IFNA16: variants seen among roughly 807,000 people sequenced by gnomAD.
IFNA16 encodes the protein interferon alpha-16.
For missense variants in IFNA16, 332 were observed against 213.5 expected, an observed-to-expected ratio of 1.55 and a Z score of -3.46; for synonymous variants, 122 against 83.3, an observed-to-expected ratio of 1.46 and a Z score of -2.53.
rs140868601 is a variant in IFNA16, at chr9:21,216,908, G to A, written c.398C>T (p.Ala133Val). 4 of 1,613,920 alleles carry A rather than the reference G, an allele frequency of 2.5e-6. No homozygotes were observed. The highest frequency in any genetic ancestry group is 3.4e-6 in the Non-Finnish European group (4 of 1,179,910). Reference protein sequence around the residue: ...VTQEVGVEEIALMNEDSILAV... With the variant: ...VTQEVGVEEIVLMNEDSILAV... ...CAGGATGGAGTCCTCATTCATCAGG[G>A]CAATCTCTTCCACCCCAACCTCCTG... The change falls in exon 1 of 1, where the codon GCC becomes GTC. Residue 133 changes from alanine (A) to valine (V), a missense_variant. Transcript: ENST00000380216.
rs1313691322 is a variant in IFNA16, at chr9:21,216,444, A to T, written c.*292T>A. 5.7e-6 allele frequency: 1 copy of T among 175,216 alleles called. No homozygotes were observed. The highest frequency in any genetic ancestry group is 1.5e-4 in the East Asian group (1 of 6,884). The allele number at this position is 175,216 out of a possible 1,614,324, so 10.9% of individuals were successfully genotyped here. The stretch of plus-strand genomic sequence containing the variant: ...ATGAAGAACATATATTGTTACATTA[A>T]GCAAAATGTAAAGGTACACATGATA... On this transcript the variant is annotated 3_prime_UTR_variant, in exon 1 of 1. Coordinates refer to ENST00000380216, the MANE Select transcript of IFNA16 (RefSeq NM_002173.3).
In IFNA16 at chr9:21,216,697, T is replaced by C. The variant is rs375231852; in HGVS notation, c.*39A>G. ...GAACTCATGAAAGTGTGAGATGATG[T>C]ATTAATCAATGAGGATCATTTCCAT... On this transcript the variant is annotated 3_prime_UTR_variant, in exon 1 of 1. Coordinates refer to ENST00000380216, the MANE Select transcript of IFNA16 (RefSeq NM_002173.3). The C allele has an allele frequency of 1.4e-4, 224 of 1,601,508 alleles. No individual in the cohort carries two copies. Among genetic ancestry groups the C allele is most frequent in the Middle Eastern group, 3.3e-4 (2 of 5,998 alleles).
chr9:21,216,960 G>T lies in IFNA16; in HGVS notation c.346C>A (p.Leu116Met), dbSNP rs41313956. 1.9e-3 allele frequency: 3,039 copies of T among 1,613,874 alleles called. 16 individuals carry two copies. Among genetic ancestry groups the T allele is most frequent in the South Asian group, 7.7e-3 (697 of 91,062 alleles). Residue 116 changes from leucine to methionine, a missense_variant, in exon 1 of 1, where the codon CTG becomes ATG. Coordinates refer to ENST00000380216, the MANE Select transcript of IFNA16 (RefSeq NM_002173.3). The stretch of plus-strand genomic sequence containing the variant: ...GTCACACAGGCTTCTAGGTCATTCA[G>T]TTGCTGGAAAAGTTCAATGTAGAAT... ...DKFYIELFQQ[L>M]NDLEACVTQE...
At position 21,217,112 on chromosome 9, in the gene IFNA16, A is replaced by T. The variant is rs28368159; in HGVS notation, c.194T>A (p.Val65Glu). The T allele has an allele frequency of 0.042, 67,586 of 1,613,714 alleles. 1,656 individuals are homozygous for T. Among genetic ancestry groups the T allele is most frequent in the Middle Eastern group, 0.069 (421 of 6,058 alleles). The part of the protein sequence containing the change: ...DRYDFGFPQE[V>E]FDGNQFQKAQ... ...CTTCTGGAACTGGTTGCCATCAAAC[A>T]CCTCCTGGGGGAATCCGAAATCATA... is the stretch of plus-strand genomic sequence containing the variant. Residue 65 changes from valine (V) to glutamate (E), a missense_variant, in exon 1 of 1, where the codon GTG becomes GAG. Coordinates refer to ENST00000380216, the MANE Select transcript of IFNA16 (RefSeq NM_002173.3).
In IFNA16 at chr9:21,217,186, G is replaced by T; in HGVS notation, c.120C>A (p.Leu40=). Residue 40 remains leucine (L), a synonymous_variant, in exon 1 of 1, where the codon CTC becomes CTA. Coordinates refer to ENST00000380216, the MANE Select transcript of IFNA16 (RefSeq NM_002173.3). The stretch of plus-strand genomic sequence containing the variant: ...GAGAGATTCTTCCCATTTGTGCCAG[G>T]AGTATCAAGGCCCTCCTATTACCCA... ...HSLGNRRALI[L]LAQMGRISHF... 6.2e-7 allele frequency: 1 copy of T among 1,614,024 alleles called. No individual in the cohort carries two copies. The highest frequency in any genetic ancestry group is 8.5e-7 in the Non-Finnish European group (1 of 1,179,958).
At position 21,217,010 on chromosome 9, in the gene IFNA16, G is replaced by A. The variant is rs753355253; in HGVS notation, c.296C>T (p.Ala99Val). Reference sequence around the variant, plus strand: ...TTTGTCTAGGAGGGTCTCATCCCAAGCAGCAGATGAATCCTTTGTGCTGAA... The same window carrying A: ...TTTGTCTAGGAGGGTCTCATCCCAAACAGCAGATGAATCCTTTGTGCTGAA... The part of the protein sequence containing the change: ...NLFSTKDSSA[A>V]WDETLLDKFY... The change falls in exon 1 of 1, where the codon GCT (alanine) becomes GTT (valine). Residue 99 changes from alanine (A) to valine (V), a missense_variant. Physicochemically the swap from Ala to Val is moderately conservative, Grantham distance 64. Coordinates refer to ENST00000380216, the MANE Select transcript of IFNA16 (RefSeq NM_002173.3). The A allele has an allele frequency of 1.2e-6, 2 of 1,613,846 alleles. No individual in the cohort carries two copies. Among genetic ancestry groups the A allele is most frequent in the Non-Finnish European group, 1.7e-6 (2 of 1,179,888 alleles).
rs1428064694 is a variant in IFNA16, at chr9:21,216,757, T to C, written c.549A>G (p.Lys183=). Reference sequence around the variant, plus strand: ...GTTTTCAATCCTTCCTTCTTAATCCTTTTTGCAAGTTTGTTGAAAAAGAGA... The same window carrying C: ...GTTTTCAATCCTTCCTTCTTAATCCCTTTTGCAAGTTTGTTGAAAAAGAGA... ...RSFSFSTNLQ[K]GLRRKD The change falls in exon 1 of 1, where the codon AAA becomes AAG. Residue 183 remains lysine, a synonymous_variant. Transcript: ENST00000380216. 3 of 1,613,744 alleles carry C rather than the reference T, an allele frequency of 1.9e-6. No individual in the cohort carries two copies. Among genetic ancestry groups the C allele is most frequent in the Non-Finnish European group, 1.7e-6 (2 of 1,179,818 alleles).
At position 21,216,929 on chromosome 9, in the gene IFNA16, T is replaced by G. The variant is rs1330489810; in HGVS notation, c.377A>C (p.Glu126Ala). Residue 126 changes from glutamate (E) to alanine (A), a missense_variant, in exon 1 of 1, where the codon GAG becomes GCG. Transcript: ENST00000380216. ...CAGGGCAATCTCTTCCACCCCAACC[T>G]CCTGTGTCACACAGGCTTCTAGGTC... The part of the protein sequence containing the change: ...LNDLEACVTQ[E>A]VGVEEIALMN... 1 of 1,613,938 alleles carries G rather than the reference T, an allele frequency of 6.2e-7. No individual in the cohort carries two copies. The highest frequency in any genetic ancestry group is 1.3e-5 in the African/African-American group (1 of 74,972).
rs566241690 is a variant in IFNA16, at chr9:21,216,684, G to C, written c.*52C>G. The C allele has an allele frequency of 1.3e-6, 2 of 1,585,028 alleles. No homozygotes were observed. Among genetic ancestry groups the C allele is most frequent in the Non-Finnish European group, 1.7e-6 (2 of 1,168,070 alleles). On this transcript the variant is annotated 3_prime_UTR_variant, in exon 1 of 1. Transcript: ENST00000380216. The stretch of plus-strand genomic sequence containing the variant: ...CTTTGAAATGGAAGAACTCATGAAA[G>C]TGTGAGATGATGTATTAATCAATGA...
Position 21,217,308 on chromosome 9 carries a change from G to A in IFNA16, c.-3C>T, listed in dbSNP as rs1818477323. The A allele has an allele frequency of 1.9e-6, 3 of 1,602,562 alleles. No homozygotes were observed. The highest frequency in any genetic ancestry group is 2.6e-6 in the Non-Finnish European group (3 of 1,174,744). On this transcript the variant is annotated 5_prime_UTR_variant, in exon 1 of 1. Transcript: ENST00000380216. The stretch of plus-strand genomic sequence containing the variant: ...AGTAAAGAAAAGGACAGGGCCATTG[G>A]GATGTTGCAAATATTGCTAGGCTAC...
chr9:21,216,536 T>A lies in IFNA16; in HGVS notation c.*200A>T, dbSNP rs757627422. 4 of 450,872 alleles carry A rather than the reference T, an allele frequency of 8.9e-6. No homozygotes were observed. Among genetic ancestry groups the A allele is most frequent in the South Asian group, 8.4e-5 (1 of 11,876 alleles). The allele number at this position is 450,872 out of a possible 1,614,324, so 27.9% of individuals were successfully genotyped here. A position where few individuals can be genotyped will look rare whatever the true frequency, so the allele number is the denominator to read the frequency against. On this transcript the variant is annotated 3_prime_UTR_variant, in exon 1 of 1. Coordinates refer to ENST00000380216, the MANE Select transcript of IFNA16 (RefSeq NM_002173.3). ...ATAAATATTTAAATAAATAGATGAA[T>A]AGAGACATCAGCATGGTCATCTGTA...
At position 21,216,655 on chromosome 9, in the gene IFNA16, G is replaced by C; in HGVS notation, c.*81C>G. On this transcript the variant is annotated 3_prime_UTR_variant, in exon 1 of 1. Coordinates refer to ENST00000380216, the MANE Select transcript of IFNA16 (RefSeq NM_002173.3). ...TTCAACTTGTGGTGGTTATAGAAGT[G>C]AGTCTTTGAAATGGAAGAACTCATG... 2 of 1,547,804 alleles carry C rather than the reference G, an allele frequency of 1.3e-6. No individual in the cohort carries two copies. The highest frequency in any genetic ancestry group is 1.7e-6 in the Non-Finnish European group (2 of 1,146,876).
Position 21,217,302 on chromosome 9 carries a change from C to G in IFNA16, c.4G>C (p.Ala2Pro). The G allele has an allele frequency of 2.5e-6, 4 of 1,604,542 alleles. No individual in the cohort carries two copies. The highest frequency in any genetic ancestry group is 3.4e-6 in the Non-Finnish European group (4 of 1,175,586). The change falls in exon 1 of 1, where the codon GCC (alanine) becomes CCC (proline). Residue 2 changes from alanine (A) to proline (P), a missense_variant. Transcript: ENST00000380216. ...GCCATCAGTAAAGAAAAGGACAGGG[C>G]CATTGGGATGTTGCAAATATTGCTA... is the stretch of plus-strand genomic sequence containing the variant. M[A>P]LSFSLLMAVL...
rs370783541 is a variant in IFNA16, at chr9:21,217,032, T to A, written c.274A>T (p.Ser92Cys). ...CAAGCAGCAGATGAATCCTTTGTGC[T>A]GAAGAGATTGAAGGTCTGCTGGATC... Reference protein sequence around the residue: ...EMIQQTFNLFSTKDSSAAWDE... With the variant: ...EMIQQTFNLFCTKDSSAAWDE... Residue 92 changes from serine (S) to cysteine (C), a missense_variant, in exon 1 of 1, where the codon AGC (serine) becomes TGC (cysteine). Coordinates refer to ENST00000380216, the MANE Select transcript of IFNA16 (RefSeq NM_002173.3). 25 of 1,613,842 alleles carry A rather than the reference T, an allele frequency of 1.5e-5. No homozygotes were observed. Among genetic ancestry groups the A allele is most frequent in the Non-Finnish European group, 2.0e-5 (24 of 1,179,856 alleles).
At position 21,217,030 on chromosome 9, in the gene IFNA16, G is replaced by A; in HGVS notation, c.276C>T (p.Ser92=). 1 of 1,613,856 alleles carries A rather than the reference G, an allele frequency of 6.2e-7. No individual in the cohort carries two copies. The change falls in exon 1 of 1, where the codon AGC becomes AGT. Residue 92 remains serine, a synonymous_variant. Transcript: ENST00000380216. The part of the protein sequence containing the change: ...EMIQQTFNLF[S]TKDSSAAWDE... ...CCCAAGCAGCAGATGAATCCTTTGTGCTGAAGAGATTGAAGGTCTGCTGGA... is the reference window on the plus strand; with the variant it reads ...CCCAAGCAGCAGATGAATCCTTTGTACTGAAGAGATTGAAGGTCTGCTGGA...
At chr9:21,217,135 A>C in the IFNA16 span, 1 of 1,614,042 alleles carries the variant, frequency 6.2e-7, no homozygotes, top group Non-Finnish European at 8.5e-7. Context: ...ATCCGAAATC[A>C]TATCTGTCCT....
At position 21,216,909 on chromosome 9, in the gene IFNA16, C is replaced by G. The variant is rs28368163; in HGVS notation, c.397G>C (p.Ala133Pro). The change falls in exon 1 of 1, where the codon GCC (alanine) becomes CCC (proline). Residue 133 changes from alanine (A) to proline (P), a missense_variant. Physicochemically the swap from Ala to Pro is conservative, Grantham distance 27. Coordinates refer to ENST00000380216, the MANE Select transcript of IFNA16 (RefSeq NM_002173.3). Reference protein sequence around the residue: ...VTQEVGVEEIALMNEDSILAV... With the variant: ...VTQEVGVEEIPLMNEDSILAV... The stretch of plus-strand genomic sequence containing the variant: ...AGGATGGAGTCCTCATTCATCAGGG[C>G]AATCTCTTCCACCCCAACCTCCTGT... 0.037 allele frequency: 58,261 copies of G among 1,595,716 alleles called. 1,626 individuals carry two copies. The highest frequency in any genetic ancestry group is 0.066 in the Middle Eastern group (396 of 6,014).
chr9:21,216,838 C>A lies in IFNA16; in HGVS notation c.468G>T (p.Gly156=). ...CCCAGGCACAAGGGCTGTATTTCTT[C>A]CCCATCAGATAAAGAGTGATTCTTT... The part of the protein sequence containing the change: ...YFQRITLYLM[G]KKYSPCAWEV... Residue 156 remains glycine, a synonymous_variant, in exon 1 of 1, where the codon GGG becomes GGT. Transcript: ENST00000380216. 2 of 1,613,966 alleles carry A rather than the reference C, an allele frequency of 1.2e-6. No homozygotes were observed. Among genetic ancestry groups the A allele is most frequent in the Non-Finnish European group, 1.7e-6 (2 of 1,179,918 alleles).
rs2132939088 is a variant in IFNA16 at position 21,216,933 on chromosome 9, G to T, written c.373C>A (p.Gln125Lys). ...QLNDLEACVT[Q>K]EVGVEEIALM... ...GCAATCTCTTCCACCCCAACCTCCT[G>T]TGTCACACAGGCTTCTAGGTCATTC... Residue 125 changes from glutamine to lysine, a missense_variant, in exon 1 of 1, where the codon CAG becomes AAG. Physicochemically the swap from Gln to Lys is moderately conservative, Grantham distance 53 (BLOSUM62 1). Transcript: ENST00000380216. 3 of 1,613,922 alleles carry T rather than the reference G, an allele frequency of 1.9e-6. No homozygotes were observed. Among genetic ancestry groups the T allele is most frequent in the East Asian group, 2.2e-5 (1 of 44,862 alleles).
Sources: allele counts gnomAD v4.1 joint callset, GRCh38; gene constraint gnomAD v4.1.1; transcripts MANE v1.5; gene names NCBI Gene and HGNC (gene_info 2026-07-23, HGNC 2026-07-21).